CNTLN: variants seen among roughly 807,000 people sequenced by gnomAD.
The protein encoded by CNTLN is centlein, centrosomal protein.
CNTLN carries 212 observed loss-of-function variants against 180.0 expected under a neutral mutation model. That is an observed-to-expected ratio of 1.18 (90% CI 1.05 to 1.32). The LOEUF (loss-of-function observed/expected upper bound fraction) is 1.32. Ranked by LOEUF, CNTLN falls within the 40% of genes most tolerant of loss-of-function variation. The pLI, the probability that CNTLN is intolerant of heterozygous loss-of-function variation, is 0.00. For synonymous variants in CNTLN, 722 were observed against 563.1 expected (o/e 1.28, Z -3.99); for missense variants, 2,095 against 1,610.9 (o/e 1.30, Z -5.14).
intron 6 of CNTLN, among the ~76,000 whole-genome samples, chr9:17,283,288 T>G (rs776328592): frequency 1.3e-5 from 2 of 152,168 alleles, no homozygotes; most frequent in Non-Finnish European, 2.9e-5. Context: ...TAGTTCTCCT[T>G]GAAGAGGTCC....
At chr9:17,199,554 T>C (rs1161096925) in intron 2 of CNTLN, among the ~76,000 whole-genome samples, 1 of 152,220 alleles carries the variant, frequency 6.6e-6, no homozygotes, top group Non-Finnish European at 1.5e-5. Context: ...CATGAGATGG[T>C]ATCTCATTTT....
intron 23 of CNTLN, among the ~76,000 whole-genome samples, chr9:17,472,920 A>AC (rs1456303892): frequency 6.6e-6 from 1 of 151,440 alleles, no homozygotes; most frequent in Non-Finnish European, 1.5e-5. Flanking sequence ...AATTACTACC[A>AC]CCCTCCTTCC....
chr9:17,527,627 G>A, the CNTLN span, among the ~76,000 whole-genome samples: 1 of 152,122 alleles, frequency 6.6e-6, no homozygotes, highest in Non-Finnish European at 1.5e-5. Context: ...AAGAATTAGA[G>A]TTGGCAATAT....
intron 8 of CNTLN, among the ~76,000 whole-genome samples, chr9:17,320,907 T>C (rs1310931503): frequency 6.6e-6 from 1 of 152,234 alleles, no homozygotes; most frequent in Non-Finnish European, 1.5e-5. Flanking sequence ...TTTGAATATA[T>C]ATTCCCTGCC....
chr9:17,408,900 A>C (rs1374460943), intron 15 of CNTLN, among the ~76,000 whole-genome samples: 1 of 152,098 alleles, frequency 6.6e-6, no homozygotes, highest in Admixed American at 6.5e-5. Flanking sequence ...CAGTGGGTGA[A>C]AGCTTCAGAG....
chr9:17,522,089 C>G, the CNTLN span, among the ~76,000 whole-genome samples: 3 of 152,098 alleles, frequency 2.0e-5, no homozygotes, highest in African/African-American at 7.2e-5. Context: ...CTATACTTTG[C>G]TATGATAGTC....
intron 6 of CNTLN, among the ~76,000 whole-genome samples, chr9:17,294,973 G>A (rs1209358172): frequency 2.7e-5 from 4 of 150,106 alleles, no homozygotes; most frequent in Non-Finnish European, 5.9e-5. Context: ...CCCCAGCCCT[G>A]CCGCACAGGG....
At position 17,290,170 on chromosome 9, in the gene CNTLN, T is replaced by C. The variant is rs572811105; in HGVS notation, c.984-8020T>C. ...TACTTTTGGTCTTTGATGATGGTGA[T>C]GTACAGATGGGTTTTTGGTGTGGAT... On this transcript the variant is annotated intron_variant, in intron 6 of 25. Coordinates refer to ENST00000380647, the MANE Select transcript of CNTLN (RefSeq NM_017738.4). Among the ~76,000 whole-genome samples the C allele has an allele frequency of 4.9e-3, 750 of 152,194 alleles. 4 individuals carry two copies. Among genetic ancestry groups the C allele is most frequent in the African/African-American group, 0.017 (697 of 41,548 alleles).
At chr9:17,478,683 G>A (rs1052411350) in intron 23 of CNTLN, among the ~76,000 whole-genome samples, 3 of 152,036 alleles carry the variant, frequency 2.0e-5, no homozygotes, top group Non-Finnish European at 2.9e-5. Context: ...TGTAAGAGAG[G>A]AGTCTAATTT....
intron 5 of CNTLN, among the ~76,000 whole-genome samples, chr9:17,269,561 G>C (rs1827783807): frequency 1.3e-5 from 2 of 152,084 alleles, no homozygotes; most frequent in South Asian, 4.1e-4. Flanking sequence ...TAATTTCCAT[G>C]TGGATGAAAA....
intron 25 of CNTLN, among the ~76,000 whole-genome samples, chr9:17,501,040 C>T (rs1833728379): frequency 6.6e-6 from 1 of 152,180 alleles, no homozygotes; most frequent in South Asian, 2.1e-4. Context: ...GCTTTTCCCA[C>T]TTCTTCACAT....
At chr9:17,472,389 A>G (rs1270316391) in intron 23 of CNTLN, among the ~76,000 whole-genome samples, 1 of 152,166 alleles carries the variant, frequency 6.6e-6, no homozygotes, top group Non-Finnish European at 1.5e-5. Flanking sequence ...TGCTAGTCAT[A>G]CAGCTTAGCA....
chr9:17,233,780 C>T (rs781780077), intron 3 of CNTLN, among the ~76,000 whole-genome samples: 8 of 152,048 alleles, frequency 5.3e-5, no homozygotes, highest in African/African-American at 9.7e-5. Flanking sequence ...GCAAAAATAG[C>T]AAGCTATGTA....
At chr9:17,275,458 G>A (rs1176324665) in intron 6 of CNTLN, among the ~76,000 whole-genome samples, 1 of 151,974 alleles carries the variant, frequency 6.6e-6, no homozygotes, top group Non-Finnish European at 1.5e-5. Context: ...AACTCTCCAT[G>A]TACATATTTC....
rs554066231 is a variant in CNTLN at position 17,366,138 on chromosome 9, T to A, written c.1887-479T>A. ...TGGGCATATTATTACTATTTTTTATTTTATGGAGACAAGGGCCTAATCTTT... is the reference window on the plus strand; with the variant it reads ...TGGGCATATTATTACTATTTTTTATATTATGGAGACAAGGGCCTAATCTTT... On this transcript the variant is annotated intron_variant, in intron 12 of 25. Coordinates refer to ENST00000380647, the MANE Select transcript of CNTLN (RefSeq NM_017738.4). 2.7e-4 allele frequency among the ~76,000 whole-genome samples: 41 copies of A among 152,236 alleles called. 1 individual carries two copies. The highest frequency in any genetic ancestry group is 9.6e-4 in the African/African-American group (40 of 41,542).
At chr9:17,495,050 T>G in intron 25 of CNTLN, 3 of 386,802 alleles carry the variant, frequency 7.8e-6, no homozygotes, top group South Asian at 5.7e-5. Flanking sequence ...AGCTAATTTT[T>G]TTTATCTTTT....
At chr9:17,148,797 A>G (rs529192974) in intron 2 of CNTLN, among the ~76,000 whole-genome samples, 1 of 152,316 alleles carries the variant, frequency 6.6e-6, no homozygotes, top group African/African-American at 2.4e-5. Flanking sequence ...AATGACTACA[A>G]TAGTGCCACA....
chr9:17,460,225 C>T (rs532926015), intron 19 of CNTLN, among the ~76,000 whole-genome samples: 2 of 151,610 alleles, frequency 1.3e-5, no homozygotes, highest in African/African-American at 4.8e-5. Context: ...TACATAGAGC[C>T]GAGATGAGAA....
At chr9:17,514,398 G>C in the CNTLN span, among the ~76,000 whole-genome samples, 93 of 152,090 alleles carry the variant, frequency 6.1e-4, no homozygotes, top group African/African-American at 2.1e-3. Context: ...CATTTAGAAA[G>C]GCAGCAGGAC....
Sources: gnomAD v4.1 joint callset for allele counts (sites outside exome capture counted in the v4.1 genomes callset) on GRCh38, gnomAD v4.1.1 for gene constraint, MANE v1.5 for transcripts, NCBI Gene and HGNC (gene_info 2026-07-23, HGNC 2026-07-21) for gene names.